Variants in MAML2 observed in about 807,000 individuals in gnomAD.
MAML2 encodes mastermind like transcriptional coactivator 2.
MAML2 carries 22 observed loss-of-function variants against 96.1 expected under a neutral mutation model. The ratio of observed to expected loss-of-function variants is 0.23; its 90% CI spans 0.16 to 0.33. The LOEUF (loss-of-function observed/expected upper bound fraction) is 0.33. Among genes scored for constraint, MAML2 ranks in the 10% least tolerant of loss-of-function variants. The pLI, the probability that MAML2 is intolerant of heterozygous loss-of-function variation, is 1.00. For missense variants in MAML2, 1,367 were observed against 1,392.4 expected (o/e 0.98, Z 0.29); for synonymous variants, 561 against 521.3 (o/e 1.08, Z -1.04).
intron 1 of MAML2, among the ~76,000 whole-genome samples, chr11:96,320,019 G>T (rs1863680223): frequency 6.6e-6 from 1 of 152,186 alleles, no homozygotes; most frequent in African/African-American, 2.4e-5. Flanking sequence ...TCACTGATGA[G>T]AATTACCAGC....
intron 2 of MAML2, among the ~76,000 whole-genome samples, chr11:96,065,809 A>G (rs1235365670): frequency 6.6e-6 from 1 of 152,186 alleles, no homozygotes; most frequent in Non-Finnish European, 1.5e-5. Flanking sequence ...ATCTGACTAC[A>G]AAGCTGAGGC....
chr11:96,168,218 A>C (rs556867949), intron 1 of MAML2, among the ~76,000 whole-genome samples: 1 of 152,336 alleles, frequency 6.6e-6, no homozygotes, highest in African/African-American at 2.4e-5. Context: ...AGTTGTAAGG[A>C]TCAAAGGAGT....
At chr11:96,042,877 T>C (rs887710745) in intron 2 of MAML2, among the ~76,000 whole-genome samples, 1 of 151,736 alleles carries the variant, frequency 6.6e-6, no homozygotes, top group African/African-American at 2.4e-5. Context: ...CCTGAGTAGC[T>C]AGGACTACAG....
rs149757125 is a variant in MAML2 at position 96,165,011 on chromosome 11, GAATAT to G, written c.514-71499_514-71495del. Among the ~76,000 whole-genome samples the G allele has an allele frequency of 6.7e-3, 1,014 of 152,208 alleles. 9 individuals are homozygous for G. Among genetic ancestry groups the G allele is most frequent in the African/African-American group, 0.023 (972 of 41,522 alleles). Reference sequence around the variant, plus strand: ...AATTATAGAAAACTTGGAAAATACAGAATATTATACAGAAGAAAACGAAAGAGATC... The same window carrying G: ...AATTATAGAAAACTTGGAAAATACAGTATACAGAAGAAAACGAAAGAGATC... On this transcript the variant is annotated intron_variant, in intron 1 of 4. Transcript: ENST00000524717.
chr11:96,162,508 G>A (rs976889186), intron 1 of MAML2, among the ~76,000 whole-genome samples: 1 of 151,982 alleles, frequency 6.6e-6, no homozygotes, highest in Non-Finnish European at 1.5e-5. Context: ...GAGGTTGGGA[G>A]TTGGAGACCA....
intron 1 of MAML2, among the ~76,000 whole-genome samples, chr11:96,110,427 A>C (rs926122410): frequency 6.6e-6 from 1 of 152,218 alleles, no homozygotes; most frequent in African/African-American, 2.4e-5. Flanking sequence ...TAGTCTTCCA[A>C]ATTTTCCTCC....
chr11:96,160,081 A>G (rs533497663), intron 1 of MAML2, among the ~76,000 whole-genome samples: 1 of 152,096 alleles, frequency 6.6e-6, no homozygotes, highest in Non-Finnish European at 1.5e-5. Context: ...CTTTTCCCCT[A>G]TAGAAAGAGA....
intron 2 of MAML2, among the ~76,000 whole-genome samples, chr11:96,061,883 T>C (rs1859165974): frequency 1.3e-5 from 2 of 152,170 alleles, no homozygotes; most frequent in Admixed American, 6.5e-5. Context: ...CTCATAGATA[T>C]ACATTCCAAG....
intron 1 of MAML2, among the ~76,000 whole-genome samples, chr11:96,099,441 C>A (rs1859885828): frequency 6.6e-6 from 1 of 152,124 alleles, no homozygotes; most frequent in African/African-American, 2.4e-5. Context: ...TTTGGCCCTA[C>A]CAAGATCTGA....
At chr11:96,318,297 T>C (rs1037473009) in intron 1 of MAML2, among the ~76,000 whole-genome samples, 2 of 152,186 alleles carry the variant, frequency 1.3e-5, no homozygotes, top group Admixed American at 6.5e-5. Flanking sequence ...TCAAGCAACA[T>C]GCCCAAGGTA....
intron 1 of MAML2, among the ~76,000 whole-genome samples, chr11:96,114,890 G>A (rs566832492): frequency 1.3e-5 from 2 of 152,328 alleles, no homozygotes; most frequent in South Asian, 4.1e-4. Flanking sequence ...AGTAGGGAGG[G>A]TGGAGAGGGA....
At chr11:96,141,438 G>T (rs746362886) in intron 1 of MAML2, among the ~76,000 whole-genome samples, 8 of 152,116 alleles carry the variant, frequency 5.3e-5, no homozygotes, top group Admixed American at 1.3e-4. Flanking sequence ...TACGTAAGAG[G>T]CCCCAGCTAG....
intron 2 of MAML2, among the ~76,000 whole-genome samples, chr11:96,001,251 G>A (rs1463188006): frequency 6.6e-6 from 1 of 152,186 alleles, no homozygotes; most frequent in African/African-American, 2.4e-5. Flanking sequence ...TTCCATGAGT[G>A]AGAAAGCAGC....
chr11:96,053,949 T>G (rs1859025299), intron 2 of MAML2, among the ~76,000 whole-genome samples: 1 of 152,172 alleles, frequency 6.6e-6, no homozygotes, highest in South Asian at 2.1e-4. Flanking sequence ...AGCTGACAAC[T>G]TGGGTGCCGC....
intron 1 of MAML2, among the ~76,000 whole-genome samples, chr11:96,289,735 T>C (rs1591116119): frequency 6.6e-6 from 1 of 152,202 alleles, no homozygotes; most frequent in Non-Finnish European, 1.5e-5. Context: ...TTTTAGAGTA[T>C]GTATTTTATT....
At chr11:96,050,347 C>T (rs562397966) in intron 2 of MAML2, among the ~76,000 whole-genome samples, 3 of 152,182 alleles carry the variant, frequency 2.0e-5, no homozygotes, top group Admixed American at 6.5e-5. Flanking sequence ...GGGAGGACAC[C>T]GACTGGCAAA....
At chr11:96,239,839 C>T (rs1371943296) in intron 1 of MAML2, among the ~76,000 whole-genome samples, 1 of 152,148 alleles carries the variant, frequency 6.6e-6, no homozygotes, top group Non-Finnish European at 1.5e-5. Flanking sequence ...CACCCCCTGA[C>T]CCCTTTCTCC....
chr11:96,016,262 T>TG (rs907374320), intron 2 of MAML2, among the ~76,000 whole-genome samples: 2 of 1,510 alleles, frequency 1.3e-3, no homozygotes, highest in Admixed American at 0.016. Context: ...TACGTGTACA[T>TG]GGGGGGAGGG....
At chr11:96,247,477 C>A (rs1320910118) in intron 1 of MAML2, among the ~76,000 whole-genome samples, 1 of 152,104 alleles carries the variant, frequency 6.6e-6, no homozygotes, top group African/African-American at 2.4e-5. Context: ...AAAAATTTAG[C>A]ATTTTTTACC....
Sources: gnomAD v4.1 joint callset for allele counts (sites outside exome capture counted in the v4.1 genomes callset) on GRCh38, gnomAD v4.1.1 for gene constraint, MANE v1.5 for transcripts, NCBI Gene and HGNC (gene_info 2026-07-23, HGNC 2026-07-21) for gene names.